Variants in MAP2 observed in about 807,000 individuals in gnomAD.
MAP2 encodes microtubule associated protein 2, also known as microtubule-associated protein 2.
A neutral mutation model predicts 137.6 loss-of-function variants in MAP2; 14 were observed. The ratio of observed to expected loss-of-function variants is 0.10; its 90% CI spans 0.07 to 0.16. The LOEUF (loss-of-function observed/expected upper bound fraction) is 0.16. Ranked by LOEUF, MAP2 falls within the 10% of genes least tolerant of loss-of-function variation. The probability of loss-of-function intolerance (pLI) is 1.00; values close to 1 mark genes in which losing one functional copy is unlikely to be tolerated. For missense variants in MAP2, 2,088 were observed against 2,191.5 expected, an observed-to-expected ratio of 0.95 and a Z score of 0.94; for synonymous variants, 786 against 782.3, an observed-to-expected ratio of 1.00 and a Z score of -0.08.
chr2:209,451,882 C>G (rs1412805493), intron 1 of MAP2, among the ~76,000 whole-genome samples: 1 of 152,188 alleles, frequency 6.6e-6, no homozygotes, highest in Non-Finnish European at 1.5e-5. Flanking sequence ...TCTCTACTCT[C>G]ACAAAGAACC....
chr2:209,710,354 T>A, intron 13 of MAP2, 100 bp downstream of exon 13: 1 of 1,040,288 alleles, frequency 9.6e-7, no homozygotes, highest in Non-Finnish European at 1.4e-6. Flanking sequence ...GCAGAGGTGT[T>A]AAAGAGCTTG....
chr2:209,529,113 C>T (rs2064689261), intron 2 of MAP2, among the ~76,000 whole-genome samples: 2 of 151,700 alleles, frequency 1.3e-5, no homozygotes, highest in Admixed American at 1.3e-4. Flanking sequence ...CTATAGTACA[C>T]ATTAGAACTG....
chr2:209,555,374 G>A (rs1253647307), intron 2 of MAP2, among the ~76,000 whole-genome samples: 8 of 152,082 alleles, frequency 5.3e-5, no homozygotes, highest in Non-Finnish European at 7.3e-5. Context: ...CCACATTCCC[G>A]GTGGAATCTG....
intron 3 of MAP2, among the ~76,000 whole-genome samples, chr2:209,612,872 C>T (rs2087472977): frequency 6.6e-6 from 1 of 152,046 alleles, no homozygotes; most frequent in Non-Finnish European, 1.5e-5. Context: ...AGTTAAGGAT[C>T]CTTATCTTTT....
In MAP2 at chr2:209,653,298, G is replaced by T; in HGVS notation, c.128G>T (p.Arg43Leu). ...GGCGGAGCAGGGGAAGGACTTGTCC[G>T]AAGCGCCAATGGATTCCCATACAGG... ...DQGGAGEGLV[R>L]SANGFPYRED... The change falls in exon 5 of 16, where the codon CGA becomes CTA. Residue 43 changes from arginine (R) to leucine (L), a missense_variant. Coordinates refer to ENST00000682079, the MANE Select transcript of MAP2 (RefSeq NM_001375505.1). 1 of 1,614,120 alleles carries T rather than the reference G, an allele frequency of 6.2e-7. No individual in the cohort carries two copies.
rs116807225 is a variant in MAP2 at position 209,727,875 on chromosome 2, A to T, written c.5156-1975A>T. Among the ~76,000 whole-genome samples the T allele has an allele frequency of 7.5e-3, 1,142 of 152,316 alleles. 17 individuals carry two copies. The highest frequency in any genetic ancestry group is 0.026 in the African/African-American group (1,062 of 41,580). ...GGACTTCATCAGAAATAGACTTCTT[A>T]AGCTTCCTTTTCTGAATATGTTTTG... On this transcript the variant is annotated intron_variant, in intron 14 of 15. Coordinates refer to ENST00000682079, the MANE Select transcript of MAP2 (RefSeq NM_001375505.1).
chr2:209,502,999 C>CTTTTTTTTTTTTT (rs71043931), intron 1 of MAP2, among the ~76,000 whole-genome samples: 16 of 131,328 alleles, frequency 1.2e-4, no homozygotes, highest in East Asian at 2.3e-4. Flanking sequence ...GATTTTTTTT[C>CTTTTTTTTTTTTT]TTTTTTTTTT....
chr2:209,630,104 G>A (rs899731784), intron 4 of MAP2, among the ~76,000 whole-genome samples: 2 of 152,042 alleles, frequency 1.3e-5, no homozygotes, highest in Non-Finnish European at 2.9e-5. Flanking sequence ...TCCAGGCATG[G>A]TTACTATGCA....
chr2:209,440,661 TTTTG>T (rs1268461836), intron 1 of MAP2, among the ~76,000 whole-genome samples: 1 of 151,544 alleles, frequency 6.6e-6, no homozygotes, highest in Non-Finnish European at 1.5e-5. Flanking sequence ...GGTAAGTTTT[TTTTG>T]TTTGTTTTAA....
intron 2 of MAP2, among the ~76,000 whole-genome samples, chr2:209,523,837 T>C (rs2063623960): frequency 1.3e-5 from 2 of 152,168 alleles, no homozygotes; most frequent in Non-Finnish European, 2.9e-5. Flanking sequence ...AACATAACTT[T>C]TATAAAACTC....
At position 209,450,169 on chromosome 2, in the gene MAP2, C is replaced by T. The variant is rs367917763; in HGVS notation, c.-222+25893C>T. 3.3e-5 allele frequency among the ~76,000 whole-genome samples: 5 copies of T among 152,076 alleles called. No individual in the cohort carries two copies. The East Asian group carries it at 5.8e-4, about 18-fold the overall frequency. On this transcript the variant is annotated intron_variant, in intron 1 of 15. Coordinates refer to ENST00000682079, the MANE Select transcript of MAP2 (RefSeq NM_001375505.1). ...GTTGCCCAGGCTGGTCTTGAACTCC[C>T]GACCTCAAGTAATCCACCTGCCTCG...
chr2:209,650,170 G>T (rs888218489), intron 4 of MAP2, among the ~76,000 whole-genome samples: 10 of 152,114 alleles, frequency 6.6e-5, no homozygotes, highest in African/African-American at 2.4e-4. Flanking sequence ...TGTTGTATTT[G>T]CTTTTAATAT....
intron 12 of MAP2, among the ~76,000 whole-genome samples, chr2:209,708,966 A>T (rs2064428736): frequency 6.6e-6 from 1 of 152,132 alleles, no homozygotes; most frequent in Non-Finnish European, 1.5e-5. Context: ...GAAATTTATA[A>T]GGTGTTGCAT....
At chr2:209,441,499 G>A (rs1697763957) in intron 1 of MAP2, among the ~76,000 whole-genome samples, 1 of 151,538 alleles carries the variant, frequency 6.6e-6, no homozygotes, top group African/African-American at 2.4e-5. Context: ...GGAAAAAGGA[G>A]GTATCCCCAA....
chr2:209,427,902 T>G (rs558282652), intron 1 of MAP2, among the ~76,000 whole-genome samples: 1 of 152,312 alleles, frequency 6.6e-6, no homozygotes, highest in South Asian at 2.1e-4. Flanking sequence ...TATTAAAAGC[T>G]GTCCATGTAG....
chr2:209,730,506 T>A lies in MAP2; in HGVS notation c.*109T>A, dbSNP rs370387493. On this transcript the variant is annotated 3_prime_UTR_variant, in exon 16 of 16. Coordinates refer to ENST00000682079, the MANE Select transcript of MAP2 (RefSeq NM_001375505.1). Reference sequence around the variant, plus strand: ...TCTTTATAAACCATAAAATAAATAATCTCATCCCCAAACTGTAGTAATTGT... The same window carrying A: ...TCTTTATAAACCATAAAATAAATAAACTCATCCCCAAACTGTAGTAATTGT... 5.4e-6 allele frequency: 4 copies of A among 740,336 alleles called. No homozygotes were observed. The African/African-American group carries it at 7.0e-5, about 13-fold the overall frequency. 45.9% of individuals were successfully genotyped at this position (740,336 alleles called of 1,614,324 possible). A position where few individuals can be genotyped will look rare whatever the true frequency, so the allele number is the denominator to read the frequency against.
intron 1 of MAP2, among the ~76,000 whole-genome samples, chr2:209,429,918 G>A (rs1272701926): frequency 5.9e-5 from 9 of 151,890 alleles, no homozygotes. Context: ...ATTTTGATTG[G>A]TATTAAGGCA....
chr2:209,712,781 G>A (rs1401781818), intron 13 of MAP2, among the ~76,000 whole-genome samples: 1 of 152,058 alleles, frequency 6.6e-6, no homozygotes, highest in Non-Finnish European at 1.5e-5. Flanking sequence ...CTTATAGAAC[G>A]ACTGAAGGAA....
In MAP2 at chr2:209,676,967, G is replaced by A. The variant is rs182855729; in HGVS notation, c.263-1605G>A. The stretch of plus-strand genomic sequence containing the variant: ...TGTAACATTATTAAACAATTTAGAC[G>A]TCTAAGCATGATCTTTACAGCTAAT... On this transcript the variant is annotated intron_variant, in intron 5 of 15. Transcript: ENST00000682079. Among the ~76,000 whole-genome samples the A allele has an allele frequency of 5.3e-5, 8 of 151,242 alleles. No homozygotes were observed. In the East Asian group the frequency reaches 7.8e-4, roughly 15 times the overall value.
Sources: gnomAD v4.1 joint callset for allele counts (sites outside exome capture counted in the v4.1 genomes callset) on GRCh38, gnomAD v4.1.1 for gene constraint, MANE v1.5 for transcripts, NCBI Gene and HGNC (gene_info 2026-07-23, HGNC 2026-07-21) for gene names.